The following KANK3 variants were observed in gnomAD, a reference collection of about 807,000 sequenced individuals.
The protein encoded by KANK3 is KN motif and ankyrin repeat domains 3, also known as KN motif and ankyrin repeat domain-containing protein 3.
A neutral mutation model predicts 65.4 loss-of-function variants in KANK3; 61 were observed. The observed-to-expected ratio is 0.93, with a 90% CI of 0.76 to 1.15. The LOEUF is 1.15. Among genes scored for constraint, KANK3 ranks in the 50% most tolerant of loss-of-function variants. The probability of loss-of-function intolerance (pLI) is 0.00; values close to 1 mark genes in which losing one functional copy is unlikely to be tolerated. For synonymous variants in KANK3, 586 were observed against 543.3 expected (o/e 1.08, Z -1.09); for missense variants, 1,187 against 1,178.8 (o/e 1.01, Z -0.10).
rs1970587743 is a variant in KANK3 at position 8,334,360 on chromosome 19, C to T, written c.1387G>A (p.Gly463Arg). ...CCAACAAACTGCAGGCTCTTGGGTC[C>T]GGAGCTGGGTTGGGCACCAGGTGTG... ...DGTPGAQPSSGPKSLQFVGVL... is the reference protein window; with the variant it reads ...DGTPGAQPSSRPKSLQFVGVL... The change falls in exon 4 of 11, where the codon GGA becomes AGA. Residue 463 changes from glycine to arginine, a missense_variant. This residue lies in a region of KANK3 where 1,078 missense variants were observed against 1,038.2 expected (regional missense o/e 1.04). Transcript: ENST00000330915. The T allele has an allele frequency of 1.9e-6, 3 of 1,614,010 alleles. No homozygotes were observed. The highest frequency in any genetic ancestry group is 1.1e-5 in the South Asian group (1 of 91,086).
At chr19:8,332,795 G>T in intron 7 of KANK3, 1 of 223,294 alleles carries the variant, frequency 4.5e-6, no homozygotes. Flanking sequence ...CCTGCCTGGT[G>T]ACAGTGTGAA....
At chr19:8,338,645 G>C (rs919346633) in intron 1 of KANK3, among the ~76,000 whole-genome samples, 1 of 151,888 alleles carries the variant, frequency 6.6e-6, no homozygotes, top group Non-Finnish European at 1.5e-5. Flanking sequence ...GGAGGCCGAG[G>C]AGGGCGGATC....
chr19:8,328,598 G>T (rs1243780138), intron 7 of KANK3, among the ~76,000 whole-genome samples: 1 of 152,098 alleles, frequency 6.6e-6, no homozygotes, highest in Non-Finnish European at 1.5e-5. Flanking sequence ...AAGAGACAAG[G>T]GGTGGGGGCA....
In KANK3 at chr19:8,333,233, G is replaced by T; in HGVS notation, c.1720-3C>A. ...TGGGCCACGAGGCGCACTGCGCCCT[G>T]CAAGGGACAGGGGCCAAGATAACAT... is the stretch of plus-strand genomic sequence containing the variant. On this transcript the variant is annotated splice_polypyrimidine_tract_variant and splice_region_variant and intron_variant, in intron 6 of 10. Coordinates refer to ENST00000330915, the MANE Select transcript of KANK3 (RefSeq NM_198471.3). The surrounding 1 kb of genome is among the most constrained non-coding windows in gnomAD (Gnocchi z 5.0). 6.2e-7 allele frequency: 1 copy of T among 1,607,282 alleles called. No individual in the cohort carries two copies. Among genetic ancestry groups the T allele is most frequent in the African/African-American group, 1.3e-5 (1 of 74,966 alleles).
chr19:8,332,391 C>T (rs1046510323), intron 7 of KANK3, among the ~76,000 whole-genome samples: 16 of 151,462 alleles, frequency 1.1e-4, no homozygotes, highest in Admixed American at 9.2e-4. Context: ...TTGGCCAGGC[C>T]GGTCTCGAAC....
rs1381816200 is a variant in KANK3 at position 8,334,421 on chromosome 19, T to C, written c.1328-2A>G. Reference sequence around the variant, plus strand: ...TCTTCATGATGGATTTGAGGATGCCTGGCGGGGATGAGATGAGGGCACTGA... The same window carrying C: ...TCTTCATGATGGATTTGAGGATGCCCGGCGGGGATGAGATGAGGGCACTGA... On this transcript the variant is annotated splice_acceptor_variant, in intron 3 of 10. Coordinates refer to ENST00000330915, the MANE Select transcript of KANK3 (RefSeq NM_198471.3). LOFTEE classifies it high-confidence loss of function. 6.2e-7 allele frequency: 1 copy of C among 1,613,684 alleles called. No individual in the cohort carries two copies. The highest frequency in any genetic ancestry group is 2.2e-5 in the East Asian group (1 of 44,870).
intron 7 of KANK3, among the ~76,000 whole-genome samples, chr19:8,327,527 A>G (rs1970450253): frequency 6.6e-6 from 1 of 152,142 alleles, no homozygotes; most frequent in African/African-American, 2.4e-5. Context: ...GCTACTTGAG[A>G]GGCTGAGGCA....
rs1191283146 is a variant in KANK3 at position 8,335,275 on chromosome 19, C to A, written c.552G>T (p.Gln184His). Residue 184 changes from glutamine (Q) to histidine (H), a missense_variant, in exon 3 of 11, where the codon CAG becomes CAT. Around this residue, in one of 3 missense-constraint regions of KANK3, gnomAD observed 1,078 missense variants for 1,038.2 expected, o/e 1.04. Transcript: ENST00000330915. ...CCGCGGCCATCTGCTCGCGCACCAG[C>A]TGCAGTTGGGCAGGGCCGGGCGAAG... ...APASPGPAQL[Q>H]LVREQMAAAL... 1.1e-5 allele frequency: 14 copies of A among 1,220,514 alleles called. No individual in the cohort carries two copies. The highest frequency in any genetic ancestry group is 7.1e-5 in the East Asian group (2 of 28,368). 75.6% of individuals were successfully genotyped at this position (1,220,514 alleles called of 1,614,324 possible).
At chr19:8,332,987 T>TGTGGGGCC in intron 7 of KANK3, 27 bp downstream of exon 7, 2 of 395,196 alleles carry the variant, frequency 5.1e-6, no homozygotes, top group Non-Finnish European at 9.5e-6. Flanking sequence ...TTTCCTGGTG[T>TGTGGGGCC]CCCACCCACC....
intron 7 of KANK3, among the ~76,000 whole-genome samples, chr19:8,331,181 C>A (rs761447298): frequency 2.1e-5 from 3 of 146,200 alleles, no homozygotes; most frequent in Non-Finnish European, 4.5e-5. Context: ...GGCGACAGAG[C>A]AAGACTCCAT....
chr19:8,331,672 A>C (rs991366823), intron 7 of KANK3, among the ~76,000 whole-genome samples: 1 of 152,136 alleles, frequency 6.6e-6, no homozygotes, highest in African/African-American at 2.4e-5. Flanking sequence ...GCCCCATCCC[A>C]GGAGGAGTCA....
chr19:8,332,865 TA>T, intron 7 of KANK3, 148 bp downstream of exon 7: 2 of 430,774 alleles, frequency 4.6e-6, no homozygotes, highest in Non-Finnish European at 8.2e-6. Flanking sequence ...AAAATTAAAA[TA>T]AAATAAAATA....
Position 8,333,936 on chromosome 19 carries a change from T to G in KANK3, c.1608A>C (p.Ala536=), listed in dbSNP as rs1422530644. 3.2e-6 allele frequency: 5 copies of G among 1,575,806 alleles called. No homozygotes were observed. Among genetic ancestry groups the G allele is most frequent in the Non-Finnish European group, 4.3e-6 (5 of 1,164,138 alleles). ...TCCCCTGTGCCACCTGCTGAGGCTC[T>G]GCCTCCGCCTCGGGCTCAGGGTCCC... The part of the protein sequence containing the change: ...DIRDPEPEAE[A]EPQQVAQGRC... The change falls in exon 5 of 11, where the codon GCA becomes GCC. Residue 536 remains alanine (A), a synonymous_variant. Transcript: ENST00000330915. The surrounding 1 kb of genome is among the most constrained non-coding windows in gnomAD (Gnocchi z 5.0).
At position 8,335,201 on chromosome 19, in the gene KANK3, T is replaced by G; in HGVS notation, c.626A>C (p.Glu209Ala). Residue 209 changes from glutamate (E) to alanine (A), a missense_variant, in exon 3 of 11, where the codon GAG becomes GCG. Physicochemically the swap from Glu to Ala is moderately radical, Grantham distance 107. Around this residue, in one of 3 missense-constraint regions of KANK3, gnomAD observed 1,078 missense variants for 1,038.2 expected, o/e 1.04. Transcript: ENST00000330915. ...ELEDQARTLP[E>A]LQEQVRALRA... is the part of the protein sequence containing the mutation. ...CAGCGCGCGCACCTGCTCCTGCAGC[T>G]CGGGCAGCGTTCGCGCCTGGTCCTC... 8.2e-7 allele frequency: 1 copy of G among 1,219,024 alleles called. No homozygotes were observed. The highest frequency in any genetic ancestry group is 1.0e-6 in the Non-Finnish European group (1 of 979,730). 75.5% of individuals were successfully genotyped at this position (1,219,024 alleles called of 1,614,324 possible).
chr19:8,324,729 A>G lies in KANK3; in HGVS notation c.2184T>C (p.Asp728=), dbSNP rs368739546. 5 of 1,613,904 alleles carry G rather than the reference A, an allele frequency of 3.1e-6. No individual in the cohort carries two copies. In the African/African-American group the frequency reaches 5.3e-5, roughly 17 times the overall value. ...CGADVNAQDA[D]GATALMCASE... ...TGGCACACATCAGCGCTGTGGCCCCATCCGCATCCTGCGCATTCACATCAG... is the reference window on the plus strand; with the variant it reads ...TGGCACACATCAGCGCTGTGGCCCCGTCCGCATCCTGCGCATTCACATCAG... Residue 728 remains aspartate (D), a synonymous_variant, in exon 9 of 11, where the codon GAT becomes GAC. Coordinates refer to ENST00000330915, the MANE Select transcript of KANK3 (RefSeq NM_198471.3).
At position 8,342,791 on chromosome 19, in the gene KANK3, C is replaced by G. The variant is rs550418370; in HGVS notation, c.-29+434G>C. On this transcript the variant is annotated intron_variant, in intron 1 of 10. Transcript: ENST00000330915. ...AGACAGAGCAGTTTCCTACAGGAAG[C>G]GCCGCCGGGCGGTTCCATCCGCTAC... 5.1e-3 allele frequency among the ~76,000 whole-genome samples: 778 copies of G among 152,280 alleles called. 5 individuals carry two copies. Among genetic ancestry groups the G allele is most frequent in the African/African-American group, 0.018 (756 of 41,556 alleles).
At position 8,326,228 on chromosome 19, in the gene KANK3, G is replaced by A. The variant is rs547451393; in HGVS notation, c.1937-1132C>T. Among the ~76,000 whole-genome samples the A allele has an allele frequency of 5.9e-5, 9 of 151,428 alleles. No homozygotes were observed. In the South Asian group the frequency reaches 8.6e-4, roughly 14 times the overall value. ...GTTGATCACTTGAGGTCAGGAGTTC[G>A]AGACCAGCCTGGCCAATGTGGTGAA... On this transcript the variant is annotated intron_variant, in intron 7 of 10. Transcript: ENST00000330915.
At chr19:8,324,223 T>A (rs732217) in intron 10 of KANK3, among the ~76,000 whole-genome samples, 90,521 of 152,056 alleles carry the variant, frequency 0.6, 27,627 homozygotes, top group African/African-American at 0.74. Flanking sequence ...CAGGAGTTTG[T>A]GGCTGCAGTG....
Position 8,324,433 on chromosome 19 carries a change from C to T in KANK3, c.2382+16G>A, listed in dbSNP as rs1474331072. ...TTGCAGCTGGGAAAGTTTGTTTCTT[C>T]CAGAGCTGTGCTCACCTGGGTGTCG... On this transcript the variant is annotated intron_variant, in intron 10 of 10. Coordinates refer to ENST00000330915, the MANE Select transcript of KANK3 (RefSeq NM_198471.3). 1 of 1,577,284 alleles carries T rather than the reference C, an allele frequency of 6.3e-7. No homozygotes were observed. The highest frequency in any genetic ancestry group is 1.4e-5 in the African/African-American group (1 of 73,904).
Sources: allele counts gnomAD v4.1 joint callset (sites outside exome capture counted in the v4.1 genomes callset), GRCh38; gene constraint gnomAD v4.1.1; regional missense constraint gnomAD v4.1.1; non-coding constraint Gnocchi (gnomAD v3.1); transcripts MANE v1.5; gene names NCBI Gene and HGNC (gene_info 2026-07-23, HGNC 2026-07-21).